ARHGAP29: variants seen among roughly 807,000 people sequenced by gnomAD.
ARHGAP29 encodes Rho GTPase activating protein 29, also known as rho GTPase-activating protein 29.
ARHGAP29 carries 43 observed loss-of-function variants against 122.6 expected under a neutral mutation model. The ratio of observed to expected loss-of-function variants is 0.35; its 90% confidence interval spans 0.27 to 0.45. ARHGAP29 has a LOEUF of 0.45. Among genes scored for constraint, ARHGAP29 ranks in the 20% least tolerant of loss-of-function variants. The pLI is 1.00. For missense variants in ARHGAP29, 1,303 were observed against 1,477.2 expected, an observed-to-expected ratio of 0.88 and a Z score of 1.93; for synonymous variants, 506 against 497.1, an observed-to-expected ratio of 1.02 and a Z score of -0.24.
At chr1:94,288,130 CTA>C in the ARHGAP29 span, among the ~76,000 whole-genome samples, 1 of 152,202 alleles carries the variant, frequency 6.6e-6, no homozygotes, top group Non-Finnish European at 1.5e-5. Context: ...AAAAGCATTT[CTA>C]TTTCTCCACA....
intron 2 of ARHGAP29, among the ~76,000 whole-genome samples, chr1:94,224,369 A>G (rs1039740778): frequency 3.3e-5 from 5 of 152,222 alleles, no homozygotes; most frequent in African/African-American, 7.2e-5. Flanking sequence ...TAATATACTT[A>G]GGAAACATTA....
chr1:94,293,739 G>A, the ARHGAP29 span, among the ~76,000 whole-genome samples: 3 of 152,140 alleles, frequency 2.0e-5, no homozygotes, highest in African/African-American at 7.2e-5. Context: ...AGGAAAGGGT[G>A]CACAACTTCC....
the ARHGAP29 span, among the ~76,000 whole-genome samples, chr1:94,282,769 C>A: frequency 2.6e-5 from 4 of 152,124 alleles, no homozygotes; most frequent in Admixed American, 2.6e-4. Context: ...GCTTAGAGAG[C>A]TATGGACTGC....
intron 12 of ARHGAP29, chr1:94,195,557 A>G (rs952234528): frequency 2.0e-5 from 3 of 152,216 alleles, no homozygotes; most frequent in African/African-American, 7.2e-5. Flanking sequence ...AAAAGTATCA[A>G]TTCATCCAAA....
the ARHGAP29 span, among the ~76,000 whole-genome samples, chr1:94,289,132 T>A: frequency 9.8e-4 from 150 of 152,350 alleles, no homozygotes; most frequent in Admixed American, 2.9e-3. Context: ...TATGGAATGT[T>A]CTTCCATTTG....
chr1:94,293,416 C>T, the ARHGAP29 span, among the ~76,000 whole-genome samples: 1 of 152,214 alleles, frequency 6.6e-6, no homozygotes, highest in African/African-American at 2.4e-5. Context: ...AAAGGGAAAT[C>T]CCCCGACCCT....
At chr1:94,231,312 C>A (rs1652906309) in intron 2 of ARHGAP29, 95 bp downstream of exon 2, 1 of 984,716 alleles carries the variant, frequency 1.0e-6, no homozygotes, top group East Asian at 2.5e-5. Flanking sequence ...AGCAGAATAC[C>A]CTGTTCCTAC....
intron 5 of ARHGAP29, among the ~76,000 whole-genome samples, chr1:94,207,336 T>C (rs1202844528): frequency 6.6e-6 from 1 of 152,100 alleles, no homozygotes; most frequent in African/African-American, 2.4e-5. Flanking sequence ...TCAAAACCGT[T>C]GATCAAAGTA....
At chr1:94,197,770 A>C (rs1352213842) in intron 12 of ARHGAP29, among the ~76,000 whole-genome samples, 1 of 152,206 alleles carries the variant, frequency 6.6e-6, no homozygotes, top group Non-Finnish European at 1.5e-5. Flanking sequence ...CAAATAATGC[A>C]GAAAAATATT....
chr1:94,185,115 G>A, intron 17 of ARHGAP29, 55 bp from the exon 18 acceptor site: 1 of 1,487,754 alleles, frequency 6.7e-7, no homozygotes. Context: ...TCACAACTGG[G>A]CAAACTGCAG....
chr1:94,300,444 T>C, the ARHGAP29 span, among the ~76,000 whole-genome samples: 2 of 152,130 alleles, frequency 1.3e-5, no homozygotes, highest in African/African-American at 4.8e-5. Context: ...ACACCTCTGG[T>C]TTCCACCTTT....
intron 2 of ARHGAP29, among the ~76,000 whole-genome samples, chr1:94,221,531 TTA>T (rs1357744548): frequency 1.4e-5 from 2 of 146,094 alleles, no homozygotes; most frequent in African/African-American, 5.0e-5. Flanking sequence ...TCTATATTAT[TTA>T]TATAAGTATA....
chr1:94,178,290 G>T, intron 20 of ARHGAP29, 123 bp from the exon 21 acceptor site: 1 of 879,432 alleles, frequency 1.1e-6, no homozygotes, highest in Non-Finnish European at 1.7e-6. Flanking sequence ...GGGGGAAAAA[G>T]TCTAGGAAAA....
rs1055218485 is a variant in ARHGAP29 at position 94,172,514 on chromosome 1, T to C, written c.*1355A>G. On this transcript the variant is annotated 3_prime_UTR_variant, in exon 23 of 23. Transcript: ENST00000260526. ...GTCAACGGATGTATGATCCTAGGTG[T>C]TGACTTCTAAGCCAATGGTTAATAA... 6.6e-6 allele frequency: 1 copy of C among 151,884 alleles called. No homozygotes were observed. The allele number at this position is 151,884 out of a possible 1,614,324, so 9.4% of individuals were successfully genotyped here. A position where few individuals can be genotyped will look rare whatever the true frequency, so the allele number is the denominator to read the frequency against.
chr1:94,268,305 C>G (rs1654853622), intron 1 of ARHGAP29, among the ~76,000 whole-genome samples: 1 of 152,014 alleles, frequency 6.6e-6, no homozygotes, highest in South Asian at 2.1e-4. Flanking sequence ...CTTAACAAAG[C>G]TTAATCTGAT....
At chr1:94,183,451 G>A (rs1649603823) in intron 19 of ARHGAP29, among the ~76,000 whole-genome samples, 2 of 151,816 alleles carry the variant, frequency 1.3e-5, no homozygotes, top group South Asian at 4.2e-4. Flanking sequence ...CCACTGAGTA[G>A]GTCTTTGGAC....
At chr1:94,188,357 C>T (rs1342977003) in intron 15 of ARHGAP29, among the ~76,000 whole-genome samples, 1 of 151,762 alleles carries the variant, frequency 6.6e-6, no homozygotes, top group Non-Finnish European at 1.5e-5. Flanking sequence ...CAATTAAGTA[C>T]CAAACAATCC....
intron 22 of ARHGAP29, chr1:94,177,103 G>A (rs994061202): frequency 1.3e-5 from 2 of 152,188 alleles, no homozygotes; most frequent in Non-Finnish European, 2.9e-5. Context: ...TGAATAAAAT[G>A]ATCGCAGTCA....
chr1:94,253,737 A>G (rs993158311), intron 1 of ARHGAP29, among the ~76,000 whole-genome samples: 13 of 152,192 alleles, frequency 8.5e-5, no homozygotes, highest in African/African-American at 2.2e-4. Context: ...GTAGAGCCCA[A>G]TGGAAACATT....
Sources: allele counts gnomAD v4.1 joint callset (sites outside exome capture counted in the v4.1 genomes callset), GRCh38; gene constraint gnomAD v4.1.1; transcripts MANE v1.5; gene names NCBI Gene and HGNC (gene_info 2026-07-23, HGNC 2026-07-21).